The following PHF21A variants were observed in gnomAD, a reference collection of about 807,000 sequenced individuals.
The protein encoded by PHF21A is BHC80a.
Under a neutral mutation model 82.5 loss-of-function variants are expected in PHF21A, and 11 were observed. That is an observed-to-expected ratio of 0.13 (90% CI 0.08 to 0.22). PHF21A has a LOEUF of 0.22. Among genes scored for constraint, PHF21A ranks in the 10% least tolerant of loss-of-function variants. PHF21A has a pLI of 1.00. For missense variants in PHF21A, 579 were observed against 837.8 expected (o/e 0.69, Z 3.81); for synonymous variants, 297 against 302.8 (o/e 0.98, Z 0.20).
intron 6 of PHF21A, among the ~76,000 whole-genome samples, chr11:45,990,956 C>G (rs1311352120): frequency 6.6e-6 from 1 of 152,178 alleles, no homozygotes; most frequent in Non-Finnish European, 1.5e-5. Flanking sequence ...TTTAGACAAA[C>G]ATATAATGAC....
chr11:46,004,748 G>T (rs2095251551), intron 6 of PHF21A, among the ~76,000 whole-genome samples: 1 of 152,050 alleles, frequency 6.6e-6, no homozygotes, highest in Admixed American at 6.6e-5. Flanking sequence ...CCATTGAACT[G>T]TCTCCTCAAG....
At chr11:45,965,280 C>A (rs1157679660) in intron 10 of PHF21A, 35 bp downstream of exon 10, 1 of 1,598,036 alleles carries the variant, frequency 6.3e-7, no homozygotes. Context: ...AACGACAAGG[C>A]TACTGCCCAG....
chr11:45,960,445 T>A (rs2093002388), intron 10 of PHF21A, among the ~76,000 whole-genome samples: 1 of 152,154 alleles, frequency 6.6e-6, no homozygotes, highest in Admixed American at 6.5e-5. Context: ...CCATAAGAGA[T>A]CACATATTGT....
rs200299045 is a variant in PHF21A, at chr11:45,935,621, A to C, written c.1788+15T>G. On this transcript the variant is annotated intron_variant, in intron 18 of 18. Coordinates refer to ENST00000676320, the MANE Select transcript of PHF21A (RefSeq NM_001352027.3). Reference sequence around the variant, plus strand: ...CACCTATGTATCGACTGCTGAAGGCATGAGGTTTACTTACACTTATGGAAT... The same window carrying C: ...CACCTATGTATCGACTGCTGAAGGCCTGAGGTTTACTTACACTTATGGAAT... 5 of 1,186,588 alleles carry C rather than the reference A, an allele frequency of 4.2e-6. No individual in the cohort carries two copies. The highest frequency in any genetic ancestry group is 6.3e-6 in the Non-Finnish European group (5 of 789,956). The allele number at this position is 1,186,588 out of a possible 1,614,324, so 73.5% of individuals were successfully genotyped here.
intron 6 of PHF21A, among the ~76,000 whole-genome samples, chr11:46,069,954 C>T (rs1366503760): frequency 2.0e-5 from 3 of 152,200 alleles, no homozygotes; most frequent in Admixed American, 6.5e-5. Context: ...AATGGATACA[C>T]GTGCATTAAC....
intron 13 of PHF21A, among the ~76,000 whole-genome samples, 165 bp downstream of exon 13, chr11:45,949,237 C>G (rs1344661033): frequency 6.6e-6 from 1 of 152,138 alleles, no homozygotes; most frequent in Non-Finnish European, 1.5e-5. Flanking sequence ...AAGGGGTAAG[C>G]AGTGACTAAT....
intron 6 of PHF21A, among the ~76,000 whole-genome samples, chr11:46,028,195 T>C (rs906121769): frequency 6.6e-6 from 1 of 152,202 alleles, no homozygotes; most frequent in Non-Finnish European, 1.5e-5. Context: ...AATTTCAACA[T>C]TCCAAAGAGT....
At chr11:46,015,228 C>CAGATT (rs1173836472) in intron 6 of PHF21A, among the ~76,000 whole-genome samples, 2 of 152,038 alleles carry the variant, frequency 1.3e-5, no homozygotes, top group Non-Finnish European at 2.9e-5. Context: ...AAGTTCCTTA[C>CAGATT]AGATTCTGGA....
Position 46,097,627 on chromosome 11 carries a change from A to G in PHF21A, c.-236-5404T>C, listed in dbSNP as rs188112262. Among the ~76,000 whole-genome samples, 105 of 152,210 alleles carry G rather than the reference A, an allele frequency of 6.9e-4. No individual in the cohort carries two copies. In the East Asian group the frequency reaches 7.5e-3, roughly 11 times the overall value. ...AATAATACCTTTTTACCCTCTCTCT[A>G]ACTATCCAAATCTCACCCACACACT... On this transcript the variant is annotated intron_variant, in intron 1 of 18. Coordinates refer to ENST00000676320, the MANE Select transcript of PHF21A (RefSeq NM_001352027.3).
At chr11:46,053,239 A>C (rs1305847534) in intron 6 of PHF21A, among the ~76,000 whole-genome samples, 1 of 152,204 alleles carries the variant, frequency 6.6e-6, no homozygotes, top group African/African-American at 2.4e-5. Context: ...ACTTTTTATA[A>C]TATATGTAAC....
Position 45,933,569 on chromosome 11 carries a change from G to A in PHF21A, c.*399C>T. On this transcript the variant is annotated 3_prime_UTR_variant, in exon 19 of 19. Transcript: ENST00000676320. ...TCTACCTAAACAAACGGCTCGGCAA[G>A]TAAGGATCTGAAACCTGCTCTCCTC... 1 of 166,386 alleles carries A rather than the reference G, an allele frequency of 6.0e-6. No homozygotes were observed. The highest frequency in any genetic ancestry group is 1.6e-4 in the East Asian group (1 of 6,168). 10.3% of individuals were successfully genotyped at this position (166,386 alleles called of 1,614,324 possible).
At chr11:45,965,098 A>G (rs1171558146) in intron 10 of PHF21A, among the ~76,000 whole-genome samples, 2 of 152,232 alleles carry the variant, frequency 1.3e-5, no homozygotes, top group Middle Eastern at 3.2e-3. Flanking sequence ...CAGGAATCCC[A>G]GCCCATCTAC....
intron 8 of PHF21A, chr11:45,970,736 A>C (rs1311006296): frequency 5.9e-6 from 1 of 170,812 alleles, no homozygotes; most frequent in Non-Finnish European, 1.3e-5. Context: ...GGGAGTTTTC[A>C]CCAAGGCAGT....
intron 6 of PHF21A, among the ~76,000 whole-genome samples, chr11:46,073,319 C>T (rs2096678156): frequency 6.7e-6 from 1 of 150,188 alleles, no homozygotes; most frequent in South Asian, 2.1e-4. Flanking sequence ...CAAAGCGAGA[C>T]CCCGTCTCAA....
intron 6 of PHF21A, among the ~76,000 whole-genome samples, chr11:45,984,238 T>A (rs2094416220): frequency 6.6e-6 from 1 of 152,192 alleles, no homozygotes; most frequent in East Asian, 1.9e-4. Flanking sequence ...TAACTTATCA[T>A]CTTTTCTTCT....
At chr11:46,104,638 T>G (rs1012799164) in intron 1 of PHF21A, among the ~76,000 whole-genome samples, 6 of 152,192 alleles carry the variant, frequency 3.9e-5, no homozygotes, top group African/African-American at 1.4e-4. Flanking sequence ...TTTACTCTTT[T>G]CCCATGAACT....
chr11:46,073,081 CA>C (rs1158457437), intron 6 of PHF21A, among the ~76,000 whole-genome samples: 1 of 152,126 alleles, frequency 6.6e-6, no homozygotes, highest in Non-Finnish European at 1.5e-5. Flanking sequence ...GTAATCCCAG[CA>C]CTTTGGGAGG....
intron 3 of PHF21A, among the ~76,000 whole-genome samples, chr11:46,089,655 T>C (rs368086043): frequency 5.9e-5 from 9 of 152,130 alleles, no homozygotes; most frequent in African/African-American, 1.4e-4. Flanking sequence ...CCTTAGCTAG[T>C]TGGATGTTTC....
intron 6 of PHF21A, among the ~76,000 whole-genome samples, chr11:46,022,813 C>T (rs917026427): frequency 2.6e-5 from 4 of 152,028 alleles, no homozygotes; most frequent in Admixed American, 2.0e-4. Flanking sequence ...GACGGAGTCT[C>T]GGTCTATTAC....
Sources: allele counts gnomAD v4.1 joint callset (sites outside exome capture counted in the v4.1 genomes callset), GRCh38; gene constraint gnomAD v4.1.1; transcripts MANE v1.5; gene names NCBI Gene and HGNC (gene_info 2026-07-23, HGNC 2026-07-21).